The following DLG2 variants were observed in gnomAD, a reference collection of about 807,000 sequenced individuals.
DLG2 encodes discs large MAGUK scaffold protein 2.
DLG2 carries 45 observed loss-of-function variants against 132.5 expected under a neutral mutation model. The observed-to-expected ratio is 0.34, with a 90% confidence interval of 0.27 to 0.44. The LOEUF (loss-of-function observed/expected upper bound fraction) is 0.44, where lower values mean the gene tolerates loss of function less well. Ranked by LOEUF, DLG2 falls within the 20% of genes least tolerant of loss-of-function variation. The pLI, the probability that DLG2 is intolerant of heterozygous loss-of-function variation, is 1.00. For synonymous variants in DLG2, 424 were observed against 419.6 expected, an observed-to-expected ratio of 1.01 and a Z score of -0.13; for missense variants, 1,045 against 1,196.9, an observed-to-expected ratio of 0.87 and a Z score of 1.87.
chr11:84,139,022 G>A (rs576876162), intron 9 of DLG2, among the ~76,000 whole-genome samples: 1 of 150,608 alleles, frequency 6.6e-6, no homozygotes, highest in South Asian at 2.1e-4. Flanking sequence ...TTTTACCACA[G>A]CAAAGTGAAT....
chr11:84,564,453 C>T (rs2099442100), intron 6 of DLG2, among the ~76,000 whole-genome samples: 1 of 152,102 alleles, frequency 6.6e-6, no homozygotes, highest in Non-Finnish European at 1.5e-5. Context: ...ATGTACTATT[C>T]CCTTATTGGG....
intron 6 of DLG2, among the ~76,000 whole-genome samples, chr11:84,955,124 G>T (rs552392588): frequency 6.6e-6 from 1 of 152,152 alleles, no homozygotes; most frequent in Non-Finnish European, 1.5e-5. Context: ...ACTGTAGCTT[G>T]CAGACCTCTG....
intron 11 of DLG2, among the ~76,000 whole-genome samples, chr11:84,046,477 A>G (rs1428326688): frequency 6.6e-6 from 1 of 151,624 alleles, no homozygotes; most frequent in African/African-American, 2.4e-5. Context: ...GACTATTTTT[A>G]GGTCCCTGGG....
intron 8 of DLG2, among the ~76,000 whole-genome samples, chr11:84,238,900 A>C (rs7101826): frequency 0.031 from 4,771 of 152,214 alleles, 92 homozygotes; most frequent in South Asian, 0.084. Context: ...AAACGACCAC[A>C]CTTTGAAAAG....
chr11:85,599,798 C>A (rs2080025541), intron 2 of DLG2, among the ~76,000 whole-genome samples: 1 of 152,150 alleles, frequency 6.6e-6, no homozygotes, highest in South Asian at 2.1e-4. Context: ...CAGTCTTAAA[C>A]CCATATCTTA....
chr11:84,107,384 C>T (rs1204051175), intron 9 of DLG2, among the ~76,000 whole-genome samples: 2 of 152,048 alleles, frequency 1.3e-5, no homozygotes, highest in Admixed American at 1.3e-4. Flanking sequence ...AAACTTTGAC[C>T]TCACTTTACA....
At chr11:83,994,154 A>C (rs1458058444) in intron 11 of DLG2, among the ~76,000 whole-genome samples, 2 of 152,268 alleles carry the variant, frequency 1.3e-5, no homozygotes, top group Middle Eastern at 3.4e-3. Context: ...ACATAGAATT[A>C]GAATATAGTT....
At chr11:85,451,196 G>T (rs1280170726) in intron 3 of DLG2, among the ~76,000 whole-genome samples, 3 of 152,074 alleles carry the variant, frequency 2.0e-5, no homozygotes, top group African/African-American at 7.2e-5. Context: ...CTAATGGCTA[G>T]CCTTGATAAC....
intron 6 of DLG2, among the ~76,000 whole-genome samples, chr11:84,714,393 A>G (rs953853510): frequency 6.6e-6 from 1 of 151,950 alleles, no homozygotes; most frequent in African/African-American, 2.4e-5. Flanking sequence ...CTAGGCAGGA[A>G]AAAGGGGTCT....
At chr11:85,176,927 A>C (rs2079297822) in intron 4 of DLG2, among the ~76,000 whole-genome samples, 4 of 152,188 alleles carry the variant, frequency 2.6e-5, no homozygotes, top group African/African-American at 7.2e-5. Flanking sequence ...CATGCCAGTC[A>C]GAATGGCGAT....
intron 7 of DLG2, among the ~76,000 whole-genome samples, chr11:84,296,728 T>C (rs2098093478): frequency 6.6e-6 from 1 of 152,140 alleles, no homozygotes; most frequent in Non-Finnish European, 1.5e-5. Flanking sequence ...TGCCCAGCTG[T>C]ACTTATGATT....
chr11:83,635,581 G>A (rs2064592826), intron 18 of DLG2, among the ~76,000 whole-genome samples: 2 of 152,126 alleles, frequency 1.3e-5, no homozygotes, highest in African/African-American at 2.4e-5. Flanking sequence ...GGATATGTAT[G>A]TGTGTGTTTG....
chr11:83,597,562 T>C (rs182051702), intron 19 of DLG2, among the ~76,000 whole-genome samples: 261 of 151,938 alleles, frequency 1.7e-3, no homozygotes, highest in African/African-American at 6.0e-3. Context: ...CCAGTCATGG[T>C]AGTGTGTGCC....
intron 6 of DLG2, among the ~76,000 whole-genome samples, chr11:84,812,444 A>G (rs567599789): frequency 6.6e-6 from 1 of 152,292 alleles, no homozygotes; most frequent in East Asian, 1.9e-4. Context: ...ATTTTTTTAA[A>G]GCCTCAGATT....
chr11:84,168,544 C>T (rs2095729621), intron 8 of DLG2, among the ~76,000 whole-genome samples: 1 of 152,142 alleles, frequency 6.6e-6, no homozygotes, highest in African/African-American at 2.4e-5. Context: ...TTTGCTTCAT[C>T]CACAGATGCA....
chr11:84,678,361 G>C (rs2099720250), intron 6 of DLG2, among the ~76,000 whole-genome samples: 1 of 152,094 alleles, frequency 6.6e-6, no homozygotes, highest in Non-Finnish European at 1.5e-5. Flanking sequence ...ACACCCTTGA[G>C]TTAACACAGG....
chr11:84,505,732 C>A (rs2099237307), intron 7 of DLG2, among the ~76,000 whole-genome samples: 1 of 152,096 alleles, frequency 6.6e-6, no homozygotes, highest in South Asian at 2.1e-4. Flanking sequence ...AGAAATGTGA[C>A]ATCTTCATAC....
At chr11:85,377,782 T>TAC (rs1357883204) in intron 3 of DLG2, among the ~76,000 whole-genome samples, 3 of 61,428 alleles carry the variant, frequency 4.9e-5, no homozygotes, top group East Asian at 3.5e-4. Context: ...TGTGTGTGTA[T>TAC]ACATATATAT....
intron 19 of DLG2, among the ~76,000 whole-genome samples, chr11:83,615,654 CAG>C (rs2060690399): frequency 6.6e-6 from 1 of 152,122 alleles, no homozygotes; most frequent in African/African-American, 2.4e-5. Flanking sequence ...GCAAGTGGGT[CAG>C]AGAGATACGC....
Sources: allele counts gnomAD v4.1 joint callset (sites outside exome capture counted in the v4.1 genomes callset), GRCh38; gene constraint gnomAD v4.1.1; transcripts MANE v1.5; gene names NCBI Gene and HGNC (gene_info 2026-07-23, HGNC 2026-07-21).